CHN2: variants seen among roughly 807,000 people sequenced by gnomAD.
The protein encoded by CHN2 is beta-chimaerin.
A neutral mutation model predicts 56.3 loss-of-function variants in CHN2; 35 were observed. That is an observed-to-expected ratio of 0.62 (90% CI 0.47 to 0.82). CHN2 has a LOEUF of 0.82. Among genes scored for constraint, CHN2 ranks in the 40% least tolerant of loss-of-function variants. CHN2 has a pLI of 0.00. For synonymous variants in CHN2, 210 were observed against 212.8 expected (o/e 0.99, Z 0.12); for missense variants, 491 against 580.5 (o/e 0.85, Z 1.58).
chr7:29,295,375 A>G (rs1415766763), intron 1 of CHN2, among the ~76,000 whole-genome samples: 1 of 149,374 alleles, frequency 6.7e-6, no homozygotes, highest in Non-Finnish European at 1.5e-5. Flanking sequence ...GGGCAAGATT[A>G]TATCATACTT....
chr7:29,292,369 C>T (rs1224728977), intron 1 of CHN2, among the ~76,000 whole-genome samples: 1 of 151,912 alleles, frequency 6.6e-6, no homozygotes, highest in Non-Finnish European at 1.5e-5. Flanking sequence ...CAAGGGAGGT[C>T]AAACACTAAT....
intron 3 of CHN2, among the ~76,000 whole-genome samples, chr7:29,392,866 C>A (rs201771467): frequency 6.6e-6 from 1 of 152,184 alleles, no homozygotes; most frequent in East Asian, 1.9e-4. Flanking sequence ...ATACATAGAA[C>A]CATTCATAAA....
intron 2 of CHN2, among the ~76,000 whole-genome samples, chr7:29,167,116 A>G (rs570662717): frequency 2.5e-4 from 38 of 152,302 alleles, no homozygotes; most frequent in African/African-American, 9.1e-4. Context: ...TGTCCCTGGT[A>G]ACATCCCTAC....
intron 3 of CHN2, among the ~76,000 whole-genome samples, chr7:29,374,190 T>C (rs1799844379): frequency 6.6e-6 from 1 of 152,148 alleles, no homozygotes; most frequent in Non-Finnish European, 1.5e-5. Flanking sequence ...TGAAGGACTT[T>C]CCCATCATTA....
At chr7:29,352,213 T>C (rs776010511) in intron 1 of CHN2, among the ~76,000 whole-genome samples, 2 of 152,196 alleles carry the variant, frequency 1.3e-5, no homozygotes, top group African/African-American at 2.4e-5. Context: ...GGCGGTGCTC[T>C]AGATACTGAA....
At chr7:29,450,521 G>T (rs61017707) in intron 6 of CHN2, among the ~76,000 whole-genome samples, 1 of 152,120 alleles carries the variant, frequency 6.6e-6, no homozygotes, top group Admixed American at 6.5e-5. Flanking sequence ...GGGTGGTGCA[G>T]CCACAAGGCC....
At chr7:29,480,139 A>G in intron 6 of CHN2, 140 bp from the exon 7 acceptor site, 1 of 1,563,728 alleles carries the variant, frequency 6.4e-7, no homozygotes, top group South Asian at 1.2e-5. Context: ...TGGCTGGAAA[A>G]TGAGAAAAAG....
chr7:29,487,444 C>T (rs1489932812), intron 7 of CHN2, among the ~76,000 whole-genome samples: 1 of 152,078 alleles, frequency 6.6e-6, no homozygotes, highest in Non-Finnish European at 1.5e-5. Context: ...TTTTGTCTAC[C>T]TCCTAATTCA....
chr7:29,429,571 A>G lies in CHN2; in HGVS notation c.576+28743A>G, dbSNP rs139654824. 6.6e-3 allele frequency among the ~76,000 whole-genome samples: 816 copies of G among 124,350 alleles called. 4 individuals carry two copies. Among genetic ancestry groups the G allele is most frequent in the African/African-American group, 0.028 (764 of 26,812 alleles). 81.6% of individuals were successfully genotyped at this position (124,350 alleles called of 152,430 possible). On this transcript the variant is annotated intron_variant, in intron 6 of 12. Transcript: ENST00000222792. ...CACTTTTTGGAACAAAGCATGAGTT[A>G]CACACACACAGACACACACACACAC...
intron 6 of CHN2, chr7:29,445,169 T>C: frequency 4.4e-6 from 2 of 455,814 alleles, no homozygotes; most frequent in South Asian, 3.1e-5. Context: ...TACATGTAAG[T>C]AGACTAGTGT....
At chr7:29,199,205 A>G (rs1400886689) in intron 1 of CHN2, among the ~76,000 whole-genome samples, 1 of 152,266 alleles carries the variant, frequency 6.6e-6, no homozygotes, top group Non-Finnish European at 1.5e-5. Context: ...AGTCAAAACC[A>G]GTAACGTAGA....
intron 1 of CHN2, among the ~76,000 whole-genome samples, chr7:29,220,278 A>AGAG (rs1554366761): frequency 5.3e-4 from 20 of 37,754 alleles, no homozygotes; most frequent in African/African-American, 3.0e-3. Flanking sequence ...TTAAAAAAAA[A>AGAG]AAAGAGAGAG....
At chr7:29,365,458 A>C (rs970701641) in intron 2 of CHN2, among the ~76,000 whole-genome samples, 1 of 152,230 alleles carries the variant, frequency 6.6e-6, no homozygotes, top group South Asian at 2.1e-4. Context: ...AGGAAAGTAC[A>C]GGGGATTGTA....
At chr7:29,509,093 C>T (rs376718746) in intron 11 of CHN2, among the ~76,000 whole-genome samples, 5 of 152,152 alleles carry the variant, frequency 3.3e-5, no homozygotes, top group East Asian at 3.9e-4. Flanking sequence ...ACCCAGAGGA[C>T]ATTCAATAAG....
At chr7:29,197,289 A>G (rs773664356) in intron 1 of CHN2, among the ~76,000 whole-genome samples, 2 of 152,316 alleles carry the variant, frequency 1.3e-5, no homozygotes, top group East Asian at 3.9e-4. Context: ...GGGGAAAGAT[A>G]ATTGTAGGAT....
intron 1 of CHN2, among the ~76,000 whole-genome samples, chr7:29,216,265 A>G (rs970249467): frequency 6.6e-6 from 1 of 152,166 alleles, no homozygotes; most frequent in Non-Finnish European, 1.5e-5. Context: ...GGAAAAGACA[A>G]TTAGGGTTGG....
intron 6 of CHN2, among the ~76,000 whole-genome samples, chr7:29,475,742 A>G (rs1786537259): frequency 6.6e-6 from 1 of 152,244 alleles, no homozygotes; most frequent in South Asian, 2.1e-4. Flanking sequence ...AAACATGCTA[A>G]GTGAAATATC....
chr7:29,155,975 C>T (rs1031880928), intron 2 of CHN2, among the ~76,000 whole-genome samples: 5 of 152,054 alleles, frequency 3.3e-5, no homozygotes, highest in Non-Finnish European at 7.4e-5. Flanking sequence ...CCAGCTGTGC[C>T]CCTTGGGCTG....
Position 29,508,769 on chromosome 7 carries a change from G to A in CHN2, c.1130-532G>A, listed in dbSNP as rs748898468. 9.2e-5 allele frequency among the ~76,000 whole-genome samples: 14 copies of A among 152,270 alleles called. 1 individual carries two copies. Among genetic ancestry groups the A allele is most frequent in the East Asian group, 5.8e-4 (3 of 5,182 alleles). ...CACTTCCTAACCTGGGCTGTGCACC[G>A]GGGTTAAGTATGCCAACGCCACGGT... On this transcript the variant is annotated intron_variant, in intron 11 of 12. Coordinates refer to ENST00000222792, the MANE Select transcript of CHN2 (RefSeq NM_004067.4).
Sources: allele counts gnomAD v4.1 joint callset (sites outside exome capture counted in the v4.1 genomes callset), GRCh38; gene constraint gnomAD v4.1.1; transcripts MANE v1.5; gene names NCBI Gene and HGNC (gene_info 2026-07-23, HGNC 2026-07-21).